LONP1: variants seen among roughly 807,000 people sequenced by gnomAD.
The protein encoded by LONP1 is lon peptidase 1, mitochondrial.
Under a neutral mutation model 98.5 loss-of-function variants are expected in LONP1, and 31 were observed. The ratio of observed to expected loss-of-function variants is 0.31; its 90% CI spans 0.24 to 0.42. The LOEUF (loss-of-function observed/expected upper bound fraction) is 0.42, where lower values mean the gene tolerates loss of function less well. Among genes scored for constraint, LONP1 ranks in the 20% least tolerant of loss-of-function variants. The pLI, the probability that LONP1 is intolerant of heterozygous loss-of-function variation, is 1.00. For missense variants in LONP1, 1,336 were observed against 1,350.6 expected (o/e 0.99, Z 0.17); for synonymous variants, 781 against 594.7 (o/e 1.31, Z -4.56).
chr19:5,697,535 G>A (rs1009665211), intron 10 of LONP1, among the ~76,000 whole-genome samples: 7 of 135,402 alleles, frequency 5.2e-5, no homozygotes, highest in Non-Finnish European at 1.1e-4. Flanking sequence ...AGGAGAGGGG[G>A]AAGAGGGAGG....
chr19:5,715,591 A>G (rs1164316264), intron 1 of LONP1, among the ~76,000 whole-genome samples: 3 of 135,600 alleles, frequency 2.2e-5, no homozygotes, highest in South Asian at 5.2e-4. Flanking sequence ...GCAGTGAGCC[A>G]AGATCACGCC....
intron 15 of LONP1, 112 bp from the exon 16 acceptor site, chr19:5,693,881 CCCCTGGGCAGGGGTTGGTGT>C: frequency 2.2e-6 from 2 of 889,106 alleles, no homozygotes; most frequent in Non-Finnish European, 3.5e-6. Context: ...CATCTTGGTG[CCCCTGGGCAGGGGTTGGTGT>C]CCCATCGTGA....
chr19:5,715,498 C>T (rs1299814917), intron 1 of LONP1, among the ~76,000 whole-genome samples: 1 of 150,490 alleles, frequency 6.6e-6, no homozygotes, highest in South Asian at 2.1e-4. Context: ...AAAAATTAGC[C>T]GGGCGTGGTG....
chr19:5,693,181 C>G, intron 17 of LONP1, 117 bp downstream of exon 17: 1 of 1,325,574 alleles, frequency 7.5e-7, no homozygotes, highest in Non-Finnish European at 1.0e-6. Flanking sequence ...GACCTGCTTC[C>G]AAAGCCCAGG....
intron 9 of LONP1, among the ~76,000 whole-genome samples, chr19:5,700,452 T>C (rs1311862197): frequency 1.3e-5 from 2 of 152,190 alleles, no homozygotes; most frequent in Non-Finnish European, 2.9e-5. Flanking sequence ...GGTCTCACTC[T>C]GTCACCCAAC....
intron 8 of LONP1, among the ~76,000 whole-genome samples, chr19:5,703,371 G>A (rs915108578): frequency 9.9e-5 from 15 of 152,070 alleles, no homozygotes; most frequent in Non-Finnish European, 1.6e-4. Context: ...CTGACCCAGG[G>A]CAGGTGGGGA....
At chr19:5,707,653 G>T (rs778802636) in intron 6 of LONP1, 44 bp downstream of exon 6, 2 of 1,581,720 alleles carry the variant, frequency 1.3e-6, no homozygotes, top group South Asian at 2.3e-5. Flanking sequence ...GTGGAGGTGG[G>T]GTGCAGCCAG....
intron 8 of LONP1, among the ~76,000 whole-genome samples, chr19:5,703,385 G>A (rs2055091814): frequency 6.6e-6 from 1 of 152,004 alleles, no homozygotes; most frequent in South Asian, 2.1e-4. Flanking sequence ...GTGGGGAAAT[G>A]GAGGCCAGGT....
chr19:5,706,120 G>T (rs550097271), intron 7 of LONP1, 128 bp from the exon 8 acceptor site: 3 of 650,892 alleles, frequency 4.6e-6, no homozygotes, highest in Non-Finnish European at 8.1e-6. Context: ...CCCAGAGCAC[G>T]AAGCCTTTGG....
At chr19:5,710,077 T>G (rs1568324942) in intron 4 of LONP1, among the ~76,000 whole-genome samples, 2 of 151,344 alleles carry the variant, frequency 1.3e-5, no homozygotes. Context: ...CTGGTGGCTG[T>G]CTGAATTTTT....
chr19:5,714,996 T>C (rs760185325), intron 1 of LONP1: 2 of 138,898 alleles, frequency 1.4e-5, no homozygotes, highest in Non-Finnish European at 3.0e-5. Context: ...TCTGGGGACA[T>C]GCTGATCCGC....
At chr19:5,699,239 G>C (rs2054998099) in intron 9 of LONP1, 34 bp from the exon 10 acceptor site, 11 of 1,463,428 alleles carry the variant, frequency 7.5e-6, no homozygotes, top group Middle Eastern at 1.9e-4. Flanking sequence ...GGGCACGTGA[G>C]CTGGGGAAGC....
In LONP1 at chr19:5,709,620, A is replaced by G. The variant is rs183269458; in HGVS notation, c.871-1217T>C. Among the ~76,000 whole-genome samples the G allele has an allele frequency of 1.4e-3, 206 of 152,198 alleles. 1 individual carries two copies. Among genetic ancestry groups the G allele is most frequent in the African/African-American group, 4.8e-3 (200 of 41,546 alleles). On this transcript the variant is annotated intron_variant, in intron 4 of 17. Transcript: ENST00000360614. ...GAGGTCCGGGGCACTTGCTTTAAGA[A>G]TAAGTTCAGCTGGGCACAGTGGCTC...
upstream of LONP1, chr19:5,720,192 C>A (rs1599490245): frequency 7.2e-7 from 1 of 1,383,438 alleles, no homozygotes. Context: ...GCGAAACGCA[C>A]GTGACGCCCG....
chr19:5,713,091 G>A (rs1335262096), intron 3 of LONP1, 43 bp downstream of exon 3: 4 of 1,612,822 alleles, frequency 2.5e-6, no homozygotes, highest in Non-Finnish European at 3.4e-6. Flanking sequence ...CTCCCGCGTG[G>A]TACTCTGCCC....
At chr19:5,711,012 G>A (rs551063527) in intron 4 of LONP1, among the ~76,000 whole-genome samples, 35 of 151,782 alleles carry the variant, frequency 2.3e-4, no homozygotes, top group African/African-American at 8.5e-4. Flanking sequence ...GGTTGACAGA[G>A]CCAGACTCTG....
chr19:5,717,891 C>CTTTTTTTT (rs532198283), intron 1 of LONP1, among the ~76,000 whole-genome samples: 1 of 133,266 alleles, frequency 7.5e-6, no homozygotes, highest in Non-Finnish European at 1.6e-5. Flanking sequence ...TTCTTTCTTT[C>CTTTTTTTT]TTTTTTTTTT....
At chr19:5,695,952 C>A in intron 13 of LONP1, 102 bp downstream of exon 13, 1 of 1,016,936 alleles carries the variant, frequency 9.8e-7, no homozygotes, top group South Asian at 1.5e-5. Flanking sequence ...TCCCACCTGT[C>A]TCTCCCGGGC....
intron 10 of LONP1, among the ~76,000 whole-genome samples, chr19:5,697,391 T>C (rs2054954031): frequency 6.7e-6 from 1 of 150,026 alleles, no homozygotes; most frequent in Admixed American, 6.7e-5. Flanking sequence ...CACGTGAGGG[T>C]CTGAGAGATG....
Sources: allele counts gnomAD v4.1 joint callset (sites outside exome capture counted in the v4.1 genomes callset), GRCh38; gene constraint gnomAD v4.1.1; transcripts MANE v1.5; gene names NCBI Gene and HGNC (gene_info 2026-07-23, HGNC 2026-07-21).